SYN3: variants seen among roughly 807,000 people sequenced by gnomAD.
The protein encoded by SYN3 is synapsin III.
SYN3 carries 35 observed loss-of-function variants against 65.8 expected under a neutral mutation model. That is an observed-to-expected ratio of 0.53 (90% CI 0.41 to 0.70). SYN3 has a LOEUF of 0.70. Among genes scored for constraint, SYN3 ranks in the 30% least tolerant of loss-of-function variants. The pLI is 0.00. For missense variants in SYN3, 680 were observed against 749.0 expected, an observed-to-expected ratio of 0.91 and a Z score of 1.08; for synonymous variants, 270 against 292.9, an observed-to-expected ratio of 0.92 and a Z score of 0.80.
At chr22:32,615,403 C>T (rs1205035843) in intron 6 of SYN3, among the ~76,000 whole-genome samples, 3 of 126,378 alleles carry the variant, frequency 2.4e-5, no homozygotes, top group Non-Finnish European at 4.7e-5. Flanking sequence ...CACTGCACTC[C>T]GGCCTGGGCG....
chr22:33,048,218 G>C (rs1260278693), intron 1 of SYN3, among the ~76,000 whole-genome samples: 1 of 152,014 alleles, frequency 6.6e-6, no homozygotes, highest in African/African-American at 2.4e-5. Context: ...ACATTTCCTG[G>C]GCTGGAGGTT....
chr22:32,984,529 A>G (rs1556071089), intron 2 of SYN3, among the ~76,000 whole-genome samples: 1 of 152,102 alleles, frequency 6.6e-6, no homozygotes, highest in South Asian at 2.1e-4. Flanking sequence ...ATTGGCCTAT[A>G]TAGGCTCTGA....
At chr22:32,846,085 TG>T (rs1438692904) in intron 6 of SYN3, among the ~76,000 whole-genome samples, 1 of 152,182 alleles carries the variant, frequency 6.6e-6, no homozygotes, top group East Asian at 1.9e-4. Flanking sequence ...AGTGAAGTTT[TG>T]TTTTTGTAAG....
At chr22:33,029,484 T>C (rs1245518978) in intron 1 of SYN3, among the ~76,000 whole-genome samples, 1 of 152,036 alleles carries the variant, frequency 6.6e-6, no homozygotes, top group Non-Finnish European at 1.5e-5. Context: ...TGCCCAACCC[T>C]AAAAATGATA....
chr22:32,614,161 C>T (rs62232746), intron 6 of SYN3, among the ~76,000 whole-genome samples: 25,080 of 152,244 alleles, frequency 0.16, 2,487 homozygotes, highest in Non-Finnish European at 0.22. Flanking sequence ...GTTAACCCAA[C>T]TGCATTCCTG....
At chr22:32,893,339 C>T (rs967587409) in intron 4 of SYN3, among the ~76,000 whole-genome samples, 7 of 152,156 alleles carry the variant, frequency 4.6e-5, no homozygotes, top group African/African-American at 9.7e-5. Context: ...TTTGCTGTCA[C>T]GGAGCTCATG....
rs2057655470 is a variant in SYN3, at chr22:32,508,397, G to A, written c.*5295C>T. ...AAACGGCCCCATCCCTACTCCCTTT[G>A]CTGACTCTCTTTTCGGACTCATCCG... On this transcript the variant is annotated 3_prime_UTR_variant, in exon 14 of 14. Coordinates refer to ENST00000358763, the MANE Select transcript of SYN3 (RefSeq NM_003490.4). Among the ~76,000 whole-genome samples the A allele has an allele frequency of 6.6e-6, 1 of 151,884 alleles. No individual in the cohort carries two copies. The highest frequency in any genetic ancestry group is 1.5e-5 in the Non-Finnish European group (1 of 68,006).
chr22:32,652,507 C>T (rs1245251079), intron 6 of SYN3, among the ~76,000 whole-genome samples: 1 of 151,106 alleles, frequency 6.6e-6, no homozygotes, highest in Non-Finnish European at 1.5e-5. Flanking sequence ...TTTGAGGTAA[C>T]AAAGTTGTGA....
intron 6 of SYN3, among the ~76,000 whole-genome samples, chr22:32,706,033 C>T (rs2060876411): frequency 6.6e-6 from 1 of 152,172 alleles, no homozygotes; most frequent in Non-Finnish European, 1.5e-5. Flanking sequence ...TCCTTTCTTC[C>T]TATTTGGATG....
At chr22:32,573,899 A>G (rs10222300) in intron 7 of SYN3, among the ~76,000 whole-genome samples, 25,007 of 149,884 alleles carry the variant, frequency 0.17, 2,429 homozygotes, top group African/African-American at 0.27. Flanking sequence ...CCTCCCGAGT[A>G]GCTGGGATTA....
At chr22:32,771,071 C>G (rs547705503) in intron 6 of SYN3, among the ~76,000 whole-genome samples, 2 of 152,120 alleles carry the variant, frequency 1.3e-5, no homozygotes, top group Admixed American at 1.3e-4. Flanking sequence ...CCCTCACCCC[C>G]CAACAGGCCC....
chr22:32,518,413 T>A, intron 12 of SYN3, 79 bp from the exon 13 acceptor site: 1 of 1,526,206 alleles, frequency 6.6e-7, no homozygotes, highest in Non-Finnish European at 9.0e-7. Context: ...TAATGTTGCT[T>A]CAAGGATGTT....
At chr22:32,935,256 C>A (rs1012088456) in intron 3 of SYN3, among the ~76,000 whole-genome samples, 1 of 151,618 alleles carries the variant, frequency 6.6e-6, no homozygotes, top group African/African-American at 2.4e-5. Flanking sequence ...GCATAGAAAT[C>A]TGCACCTAGA....
intron 6 of SYN3, among the ~76,000 whole-genome samples, chr22:32,715,673 G>T (rs1003470715): frequency 6.6e-6 from 1 of 151,678 alleles, no homozygotes; most frequent in African/African-American, 2.4e-5. Flanking sequence ...CCAGTTACTC[G>T]GGAGGCTGAG....
rs1240896210 is a variant in SYN3 at position 32,508,984 on chromosome 22, TGTTA to T, written c.*4704_*4707del. ...TAAATTTTGGAAAGATAGAATTGAG[TGTTA>T]GTTCTATCTTGAATGTATCTGAATA... On this transcript the variant is annotated 3_prime_UTR_variant, in exon 14 of 14. Coordinates refer to ENST00000358763, the MANE Select transcript of SYN3 (RefSeq NM_003490.4). Among the ~76,000 whole-genome samples, 5 of 152,094 alleles carry T rather than the reference TGTTA, an allele frequency of 3.3e-5. No individual in the cohort carries two copies. Among genetic ancestry groups the T allele is most frequent in the Non-Finnish European group, 2.9e-5 (2 of 68,008 alleles).
intron 6 of SYN3, among the ~76,000 whole-genome samples, chr22:32,655,081 G>A (rs1365150982): frequency 6.6e-6 from 1 of 152,186 alleles, no homozygotes; most frequent in Non-Finnish European, 1.5e-5. Context: ...TTTATATGTT[G>A]TAGCTTAAAC....
chr22:32,895,678 T>C (rs2049572168), intron 4 of SYN3, among the ~76,000 whole-genome samples: 1 of 152,218 alleles, frequency 6.6e-6, no homozygotes, highest in Non-Finnish European at 1.5e-5. Context: ...AAAGCATTCC[T>C]GACGCATGCA....
chr22:32,566,053 G>A (rs2058668615), intron 7 of SYN3, among the ~76,000 whole-genome samples: 1 of 152,012 alleles, frequency 6.6e-6, no homozygotes, highest in Non-Finnish European at 1.5e-5. Context: ...ATGTTGCTGA[G>A]GCTGGTCTCA....
chr22:32,603,830 C>G (rs2059323677), intron 6 of SYN3, among the ~76,000 whole-genome samples: 1 of 152,224 alleles, frequency 6.6e-6, no homozygotes, highest in Non-Finnish European at 1.5e-5. Flanking sequence ...GCTCCCTGTC[C>G]CGCTCACATG....
Sources: allele counts gnomAD v4.1 joint callset (sites outside exome capture counted in the v4.1 genomes callset), GRCh38; gene constraint gnomAD v4.1.1; transcripts MANE v1.5; gene names NCBI Gene and HGNC (gene_info 2026-07-23, HGNC 2026-07-21).